TRIM62: variants seen among roughly 807,000 people sequenced by gnomAD.
TRIM62 encodes the protein tripartite motif containing 62, also known as E3 ubiquitin-protein ligase TRIM62.
A neutral mutation model predicts 44.2 loss-of-function variants in TRIM62; 39 were observed. The observed-to-expected ratio is 0.88, with a 90% CI of 0.68 to 1.15. TRIM62 has a LOEUF of 1.15. Among genes scored for constraint, TRIM62 ranks in the 50% most tolerant of loss-of-function variants. The pLI, the probability that TRIM62 is intolerant of heterozygous loss-of-function variation, is 0.00. For synonymous variants in TRIM62, 278 were observed against 292.3 expected (o/e 0.95, Z 0.50); for missense variants, 544 against 665.5 (o/e 0.82, Z 2.01).
chr1:33,179,654 C>T lies in TRIM62; in HGVS notation c.408+1371G>A, dbSNP rs1003192382. 5.3e-5 allele frequency among the ~76,000 whole-genome samples: 8 copies of T among 152,230 alleles called. 1 individual carries two copies. The highest frequency in any genetic ancestry group is 4.1e-4 in the South Asian group (2 of 4,824). On this transcript the variant is annotated intron_variant, in intron 1 of 4. Transcript: ENST00000291416. The stretch of plus-strand genomic sequence containing the variant: ...GGCCTTTATTGGTGTGTACTGTGGG[C>T]CAGGCCTTGCACCAGGCTTTGGGGC...
intron 1 of TRIM62, among the ~76,000 whole-genome samples, chr1:33,174,918 TACAC>T (rs56409929): frequency 7.3e-5 from 10 of 137,380 alleles, no homozygotes; most frequent in African/African-American, 2.0e-4. Flanking sequence ...TATATATATA[TACAC>T]ACACACACAT....
At chr1:33,174,057 C>A (rs1311144167) in intron 1 of TRIM62, among the ~76,000 whole-genome samples, 4 of 152,172 alleles carry the variant, frequency 2.6e-5, no homozygotes, top group Non-Finnish European at 5.9e-5. Flanking sequence ...ACCTTATCAT[C>A]TTTACCATTT....
At chr1:33,174,905 G>GTATA (rs1280095431) in intron 1 of TRIM62, among the ~76,000 whole-genome samples, 5 of 147,434 alleles carry the variant, frequency 3.4e-5, no homozygotes, top group African/African-American at 1.3e-4. Context: ...GTGTGTGTGT[G>GTATA]TATATATATA....
At position 33,165,769 on chromosome 1, in the gene TRIM62, G is replaced by T; in HGVS notation, c.409-203C>A. On this transcript the variant is annotated intron_variant, in intron 1 of 4. Transcript: ENST00000291416. The surrounding 1 kb of genome is among the most constrained non-coding windows in gnomAD (Gnocchi z 4.0). ...CAGAACCCGTCCGTATCTTTCACCT[G>T]CATCTTTGCAACAACCTCCTCCTCT... 2.4e-6 allele frequency: 1 copy of T among 411,172 alleles called. No individual in the cohort carries two copies. Among genetic ancestry groups the T allele is most frequent in the Non-Finnish European group, 4.3e-6 (1 of 231,250 alleles). The allele number at this position is 411,172 out of a possible 1,614,324, so 25.5% of individuals were successfully genotyped here. A position where few individuals can be genotyped will look rare whatever the true frequency, so the allele number is the denominator to read the frequency against.
chr1:33,167,798 G>A lies in TRIM62; in HGVS notation c.409-2232C>T, dbSNP rs2124742316. ...AATTTTACAGACTAGGCAGCAACAT[G>A]GGAAAATATTCATGATGACATGCTG... is the stretch of plus-strand genomic sequence containing the variant. On this transcript the variant is annotated intron_variant, in intron 1 of 4. Coordinates refer to ENST00000291416, the MANE Select transcript of TRIM62 (RefSeq NM_018207.3). The surrounding 1 kb of genome is among the most constrained non-coding windows in gnomAD (Gnocchi z 4.2). Among the ~76,000 whole-genome samples, 1 of 152,262 alleles carries A rather than the reference G, an allele frequency of 6.6e-6. No homozygotes were observed. Among genetic ancestry groups the A allele is most frequent in the African/African-American group, 2.4e-5 (1 of 41,540 alleles).
chr1:33,180,987 C>G, intron 1 of TRIM62, 38 bp downstream of exon 1: 1 of 1,410,646 alleles, frequency 7.1e-7, no homozygotes, highest in Non-Finnish European at 9.6e-7. Flanking sequence ...ACCTCCAGCC[C>G]GGCCCCGCCC....
chr1:33,154,973 G>T (rs1161001704), intron 4 of TRIM62, among the ~76,000 whole-genome samples: 2 of 148,110 alleles, frequency 1.4e-5, no homozygotes, highest in Non-Finnish European at 3.0e-5. Flanking sequence ...GGTGCCTGCA[G>T]TCCCAGCTAC....
chr1:33,159,382 C>T lies in TRIM62; in HGVS notation c.761+306G>A, dbSNP rs1340314790. On this transcript the variant is annotated intron_variant, in intron 3 of 4. Transcript: ENST00000291416. This position sits in a 1 kb window ranked among gnomAD's most constrained non-coding sequence, Gnocchi z 4.2. ...ATATAATAATGTAAATATATGAAGT[C>T]TTTATTCCCAGATCCTTTCTCTCCT... Among the ~76,000 whole-genome samples the T allele has an allele frequency of 1.3e-5, 2 of 151,960 alleles. No individual in the cohort carries two copies. Among genetic ancestry groups the T allele is most frequent in the Non-Finnish European group, 2.9e-5 (2 of 68,002 alleles).
chr1:33,181,469 A>AG lies in TRIM62; in HGVS notation c.-38dup, dbSNP rs777977063. The AG allele has an allele frequency of 3.2e-6, 5 of 1,546,792 alleles. No individual in the cohort carries two copies. The highest frequency in any genetic ancestry group is 2.8e-5 in the African/African-American group (2 of 72,366). ...CAGCAGAGAGGGGGGCCCGAGGGGC[A>AG]GGGGGGCGGCTGAGAGAGCGCGGCG... On this transcript the variant is annotated 5_prime_UTR_variant, in exon 1 of 5. Transcript: ENST00000291416. This position sits in a 1 kb window ranked among gnomAD's most constrained non-coding sequence, Gnocchi z 6.5.
chr1:33,169,818 A>C (rs1197506130), intron 1 of TRIM62, among the ~76,000 whole-genome samples: 6 of 152,230 alleles, frequency 3.9e-5, no homozygotes, highest in African/African-American at 1.4e-4. Flanking sequence ...CAGACACAGA[A>C]CTGCCCGTTC....
At chr1:33,151,442 G>A (rs2124714901) in intron 4 of TRIM62, among the ~76,000 whole-genome samples, 2 of 152,208 alleles carry the variant, frequency 1.3e-5, no homozygotes, top group Non-Finnish European at 2.9e-5. Flanking sequence ...ACAGGGTCTT[G>A]GCTCCTGGGG....
Position 33,167,107 on chromosome 1 carries a change from C to T in TRIM62, c.409-1541G>A, listed in dbSNP as rs2124741565. ...TATTCCCTCTGGCTGGTGGCCTCCA[C>T]TCTCAGAGTTTCTCACGGTGACTCC... On this transcript the variant is annotated intron_variant, in intron 1 of 4. Coordinates refer to ENST00000291416, the MANE Select transcript of TRIM62 (RefSeq NM_018207.3). The surrounding 1 kb of genome is among the most constrained non-coding windows in gnomAD (Gnocchi z 4.2). Among the ~76,000 whole-genome samples the T allele has an allele frequency of 6.6e-6, 1 of 152,280 alleles. No individual in the cohort carries two copies. Among genetic ancestry groups the T allele is most frequent in the South Asian group, 2.1e-4 (1 of 4,826 alleles).
chr1:33,181,382 G>A lies in TRIM62; in HGVS notation c.51C>T (p.Ile17=). Residue 17 remains isoleucine, a synonymous_variant, in exon 1 of 5, where the codon ATC becomes ATT. Coordinates refer to ENST00000291416, the MANE Select transcript of TRIM62 (RefSeq NM_018207.3). The surrounding 1 kb of genome is among the most constrained non-coding windows in gnomAD (Gnocchi z 6.5). The part of the protein sequence containing the change: ...DELLCSICLS[I]YQDPVSLGCE... The stretch of plus-strand genomic sequence containing the variant: ...AGCCCAGGCTCACCGGGTCCTGGTA[G>A]ATGCTCAGGCAGATGGAGCACAGCA... 1 of 1,602,202 alleles carries A rather than the reference G, an allele frequency of 6.2e-7. No homozygotes were observed. The highest frequency in any genetic ancestry group is 1.3e-5 in the African/African-American group (1 of 74,772).
intron 2 of TRIM62, among the ~76,000 whole-genome samples, chr1:33,162,190 T>C (rs1434446878): frequency 4.6e-5 from 7 of 152,202 alleles, no homozygotes; most frequent in Non-Finnish European, 8.8e-5. Context: ...CTTTAGCTCC[T>C]TGACACATAG....
intron 1 of TRIM62, among the ~76,000 whole-genome samples, chr1:33,171,350 A>G (rs1645373490): frequency 6.6e-6 from 1 of 152,150 alleles, no homozygotes; most frequent in Non-Finnish European, 1.5e-5. Flanking sequence ...TCTCACAACA[A>G]TCCACAAGGT....
Position 33,159,646 on chromosome 1 carries a change from G to A in TRIM62, c.761+42C>T. On this transcript the variant is annotated intron_variant, in intron 3 of 4. Transcript: ENST00000291416. The surrounding 1 kb of genome is among the most constrained non-coding windows in gnomAD (Gnocchi z 4.2). ...CCCACTGCCCAGCATGGGTCGAGGAGGGGATGGTCAGCCGGGGAGGGCCCC... is the reference window on the plus strand; with the variant it reads ...CCCACTGCCCAGCATGGGTCGAGGAAGGGATGGTCAGCCGGGGAGGGCCCC... 6.3e-7 allele frequency: 1 copy of A among 1,579,896 alleles called. No individual in the cohort carries two copies. Among genetic ancestry groups the A allele is most frequent in the South Asian group, 1.1e-5 (1 of 89,114 alleles).
intron 2 of TRIM62, chr1:33,163,501 A>T (rs1645296564): frequency 1.3e-5 from 2 of 152,244 alleles, no homozygotes; most frequent in Admixed American, 1.3e-4. Context: ...GTTCTGCTCA[A>T]CTGGTGCACC....
At chr1:33,175,093 G>A (rs1645408028) in intron 1 of TRIM62, among the ~76,000 whole-genome samples, 1 of 149,912 alleles carries the variant, frequency 6.7e-6, no homozygotes, top group South Asian at 2.1e-4. Context: ...AGGCTGGAGA[G>A]TAGTGGAATA....
In TRIM62 at chr1:33,145,870, A is replaced by G. The variant is rs1468764627; in HGVS notation, c.*1307T>C. 2 of 471,046 alleles carry G rather than the reference A, an allele frequency of 4.2e-6. No homozygotes were observed. The highest frequency in any genetic ancestry group is 3.2e-4 in the Middle Eastern group (1 of 3,100). 29.2% of individuals were successfully genotyped at this position (471,046 alleles called of 1,614,324 possible). ...ACCCTAACTTCCTTCTAGGGAAATGACATTTCCCAGACTCCCTTGCAGCCA... is the reference window on the plus strand; with the variant it reads ...ACCCTAACTTCCTTCTAGGGAAATGGCATTTCCCAGACTCCCTTGCAGCCA... On this transcript the variant is annotated 3_prime_UTR_variant, in exon 5 of 5. Transcript: ENST00000291416.
Sources: allele counts gnomAD v4.1 joint callset (sites outside exome capture counted in the v4.1 genomes callset), GRCh38; gene constraint gnomAD v4.1.1; non-coding constraint Gnocchi (gnomAD v3.1); transcripts MANE v1.5; gene names NCBI Gene and HGNC (gene_info 2026-07-23, HGNC 2026-07-21).